Variants in TOGARAM2 observed in about 807,000 individuals in gnomAD.
TOGARAM2 encodes the protein TOG array regulator of axonemal microtubules 2.
In TOGARAM2, 85 loss-of-function variants were observed where a neutral mutation model predicts 93.3. That is an observed-to-expected ratio of 0.91 (90% CI 0.76 to 1.09). The LOEUF (loss-of-function observed/expected upper bound fraction) is 1.09, where lower values mean the gene tolerates loss of function less well. TOGARAM2 is among the 50% of genes least tolerant of loss of function. The probability of loss-of-function intolerance (pLI) is 0.00; values close to 1 mark genes in which losing one functional copy is unlikely to be tolerated. For synonymous variants in TOGARAM2, 593 were observed against 552.8 expected (o/e 1.07, Z -1.02); for missense variants, 1,277 against 1,334.5 (o/e 0.96, Z 0.67).
chr2:28,983,123 G>T (rs1394436513), intron 1 of TOGARAM2, among the ~76,000 whole-genome samples: 1 of 149,336 alleles, frequency 6.7e-6, no homozygotes. Flanking sequence ...AAGTAGCTGG[G>T]TGTACAGGTG....
At chr2:28,960,145 G>A (rs1421751674) in intron 1 of TOGARAM2, among the ~76,000 whole-genome samples, 1 of 152,170 alleles carries the variant, frequency 6.6e-6, no homozygotes, top group African/African-American at 2.4e-5. Flanking sequence ...TGCAGTCCAT[G>A]ACTATATTTG....
At chr2:28,980,026 C>T (rs1436362350), upstream of TOGARAM2, among the ~76,000 whole-genome samples, 1 of 152,218 alleles carries the variant, frequency 6.6e-6, no homozygotes, top group Admixed American at 6.5e-5. Context: ...CCAGGCCTCT[C>T]TTTCCCCACC....
At chr2:28,998,363 T>G in intron 3 of TOGARAM2, 110 bp downstream of exon 3, 1 of 674,858 alleles carries the variant, frequency 1.5e-6, no homozygotes, top group Non-Finnish European at 2.5e-6. Context: ...GTGTTATTTT[T>G]CCTGTGGCTC....
At chr2:29,005,337 GTGTGTGTGCA>G (rs1558422282) in intron 6 of TOGARAM2, among the ~76,000 whole-genome samples, 2 of 62,904 alleles carry the variant, frequency 3.2e-5, no homozygotes, top group Non-Finnish European at 5.4e-5. Flanking sequence ...GTGTGAGACC[GTGTGTGTGCA>G]TGTGTGGAGC....
At chr2:28,985,117 T>A (rs2148243922) in intron 1 of TOGARAM2, among the ~76,000 whole-genome samples, 1 of 152,156 alleles carries the variant, frequency 6.6e-6, no homozygotes, top group East Asian at 1.9e-4. Flanking sequence ...CGGGAGGTAA[T>A]TAGATTCAGA....
intron 1 of TOGARAM2, among the ~76,000 whole-genome samples, chr2:28,986,254 A>G (rs1264504848): frequency 6.6e-6 from 1 of 151,994 alleles, no homozygotes; most frequent in Non-Finnish European, 1.5e-5. Flanking sequence ...CCTAAATAAA[A>G]CTTTCTCTCC....
At position 29,036,505 on chromosome 2, in the gene TOGARAM2, G is replaced by T. The variant is rs894874207; in HGVS notation, c.2419-36G>T. On this transcript the variant is annotated intron_variant, in intron 17 of 19. Transcript: ENST00000379558. ...ACTGTGGGAGTCCTGCCCAGCCTGG[G>T]TTCCCATGGGCTCTTGGTTTCTGTT... is the stretch of plus-strand genomic sequence containing the variant. 4 of 1,610,274 alleles carry T rather than the reference G, an allele frequency of 2.5e-6. No homozygotes were observed. The African/African-American group carries it at 5.4e-5, about 22-fold the overall frequency.
rs369978064 is a variant in TOGARAM2 at position 29,037,552 on chromosome 2, C to T, written c.2635+795C>T. Among the ~76,000 whole-genome samples the T allele has an allele frequency of 9.9e-5, 15 of 152,198 alleles. No homozygotes were observed. In the East Asian group the frequency reaches 2.7e-3, roughly 28 times the overall value. On this transcript the variant is annotated intron_variant, in intron 18 of 19. Transcript: ENST00000379558. ...ACCATCCTTTAGAGAGGCTGGACAC[C>T]CCTCCTGATACACTTGCTGTCCCCC...
At chr2:28,999,627 C>T (rs1174156471) in intron 4 of TOGARAM2, among the ~76,000 whole-genome samples, 159 bp downstream of exon 4, 1 of 152,188 alleles carries the variant, frequency 6.6e-6, no homozygotes, top group African/African-American at 2.4e-5. Flanking sequence ...ATGGCTTCAG[C>T]GACCTCCTTG....
upstream of TOGARAM2, among the ~76,000 whole-genome samples, chr2:28,978,368 C>T (rs917793456): frequency 2.0e-5 from 3 of 152,090 alleles, no homozygotes; most frequent in Non-Finnish European, 2.9e-5. Flanking sequence ...AGCCCAGCTA[C>T]GTGTTCAGGA....
intron 18 of TOGARAM2, among the ~76,000 whole-genome samples, chr2:29,041,663 G>T (rs1360914666): frequency 2.6e-5 from 4 of 152,132 alleles, no homozygotes; most frequent in African/African-American, 9.7e-5. Flanking sequence ...TGTAGAGAGG[G>T]GAGTCTGAGC....
At position 29,035,491 on chromosome 2, in the gene TOGARAM2, G is replaced by A. The variant is rs1460998935; in HGVS notation, c.2253G>A (p.Val751=). 2.0e-6 allele frequency: 3 copies of A among 1,473,220 alleles called. No homozygotes were observed. The highest frequency in any genetic ancestry group is 2.8e-5 in the African/African-American group (2 of 71,374). 91.3% of individuals were successfully genotyped at this position (1,473,220 alleles called of 1,614,324 possible). A position where few individuals can be genotyped will look rare whatever the true frequency, so the allele number is the denominator to read the frequency against. ...EGLSCNGPRL[V]GLRSTLQGRG... is the part of the protein sequence containing the mutation. ...TCAGCTGCAATGGCCCAAGGCTGGTGGGGCTGCGCTCCACACTGCAGGGCC... is the reference window on the plus strand; with the variant it reads ...TCAGCTGCAATGGCCCAAGGCTGGTAGGGCTGCGCTCCACACTGCAGGGCC... Residue 751 remains valine (V), a synonymous_variant, in exon 17 of 20, where the codon GTG becomes GTA. Coordinates refer to ENST00000379558, the MANE Select transcript of TOGARAM2 (RefSeq NM_199280.4).
intron 14 of TOGARAM2, among the ~76,000 whole-genome samples, chr2:29,028,658 G>A (rs1202257285): frequency 1.3e-5 from 2 of 152,132 alleles, no homozygotes; most frequent in East Asian, 3.9e-4. Flanking sequence ...CGCAGGACTG[G>A]TAGTGAGAGA....
At chr2:28,992,416 G>C (rs762417700) in intron 1 of TOGARAM2, among the ~76,000 whole-genome samples, 19 of 152,148 alleles carry the variant, frequency 1.2e-4, no homozygotes, top group Non-Finnish European at 7.3e-5. Flanking sequence ...ATGCTTTGGC[G>C]AGCCATGGAA....
rs761143274 is a variant in TOGARAM2 at position 29,022,260 on chromosome 2, C to T, written c.1463C>T (p.Pro488Leu). The T allele has an allele frequency of 8.1e-6, 13 of 1,613,852 alleles. No individual in the cohort carries two copies. Among genetic ancestry groups the T allele is most frequent in the Middle Eastern group, 1.6e-4 (1 of 6,078 alleles). The change falls in exon 11 of 20, where the codon CCG becomes CTG. Residue 488 changes from proline (P) to leucine (L), a missense_variant. Coordinates refer to ENST00000379558, the MANE Select transcript of TOGARAM2 (RefSeq NM_199280.4). ...AAGGAGTTGAGGCCTTTCTCGAACC[C>T]GGAGCTGGGGCTGAGGGATGCACTC... is the stretch of plus-strand genomic sequence containing the variant. Reference protein sequence around the residue: ...ACKELRPFSNPELGLRDALQC... With the variant: ...ACKELRPFSNLELGLRDALQC...
intron 6 of TOGARAM2, among the ~76,000 whole-genome samples, chr2:29,006,516 G>T (rs1320198703): frequency 6.6e-6 from 1 of 152,028 alleles, no homozygotes; most frequent in Non-Finnish European, 1.5e-5. Context: ...TGTGCTCAGG[G>T]CCTATGGGCC....
chr2:28,957,103 TCAAAAAACAAAAAA>T (rs1463380647), intron 1 of TOGARAM2, among the ~76,000 whole-genome samples: 1 of 152,010 alleles, frequency 6.6e-6, no homozygotes, highest in Non-Finnish European at 1.5e-5. Flanking sequence ...AGACTTTGTC[TCAAAAAACAAAAAA>T]CAAAAAACGA....
chr2:28,976,033 A>T (rs928567915), intron 1 of TOGARAM2, among the ~76,000 whole-genome samples: 1 of 152,198 alleles, frequency 6.6e-6, no homozygotes, highest in Non-Finnish European at 1.5e-5. Flanking sequence ...GTTTAGGAGC[A>T]TTTTACACAT....
At position 29,013,953 on chromosome 2, in the gene TOGARAM2, G is replaced by A. The variant is rs117098270; in HGVS notation, c.878-442G>A. On this transcript the variant is annotated intron_variant, in intron 7 of 19. Coordinates refer to ENST00000379558, the MANE Select transcript of TOGARAM2 (RefSeq NM_199280.4). ...GGACTAGTGTTAGATCTCTGGTCCTGGCAACTCTGCCCTTTCCTGCTGCGT... is the reference window on the plus strand; with the variant it reads ...GGACTAGTGTTAGATCTCTGGTCCTAGCAACTCTGCCCTTTCCTGCTGCGT... 3.3e-5 allele frequency among the ~76,000 whole-genome samples: 5 copies of A among 152,140 alleles called. No homozygotes were observed. In the East Asian group the frequency reaches 7.7e-4, roughly 24 times the overall value.
Sources: gnomAD v4.1 joint callset for allele counts (sites outside exome capture counted in the v4.1 genomes callset) on GRCh38, gnomAD v4.1.1 for gene constraint, MANE v1.5 for transcripts, NCBI Gene and HGNC (gene_info 2026-07-23, HGNC 2026-07-21) for gene names.